Variants in TNMD observed in about 807,000 individuals in gnomAD.
The protein encoded by TNMD is tenomodulin.
In TNMD, 15 loss-of-function variants were observed where a neutral mutation model predicts 26.9. That is an observed-to-expected ratio of 0.56 (90% CI 0.37 to 0.86). The LOEUF is 0.86. Ranked by LOEUF, TNMD falls within the 40% of genes least tolerant of loss-of-function variation. TNMD has a pLI of 0.00. For synonymous variants in TNMD, 73 were observed against 77.0 expected, an observed-to-expected ratio of 0.95 and a Z score of 0.27; for missense variants, 222 against 242.6, an observed-to-expected ratio of 0.92 and a Z score of 0.56.
chrX:100,593,356 A>C, intron 2 of TNMD: 1 of 754,055 alleles, frequency 1.3e-6, no homozygotes, highest in Non-Finnish European at 1.6e-6. Flanking sequence ...GGAAGGCAAT[A>C]AATGTTTCCT....
chrX:100,592,003 C>T (rs945750445), intron 2 of TNMD, among the ~76,000 whole-genome samples: 6 of 111,338 alleles, frequency 5.4e-5, no homozygotes, highest in African/African-American at 2.0e-4. Flanking sequence ...TGTATTTTCT[C>T]TTTCGCCCAG....
intron 4 of TNMD, among the ~76,000 whole-genome samples, chrX:100,596,042 G>C (rs956593071): frequency 4.4e-5 from 5 of 112,766 alleles, no homozygotes; most frequent in South Asian, 7.3e-4. Context: ...AGGCAAAGGA[G>C]GCGGGGCACG....
rs2082947049 is a variant in TNMD, at chrX:100,594,381, T to C, written c.423+19T>C. On this transcript the variant is annotated intron_variant, in intron 4 of 6. Coordinates refer to ENST00000373031, the MANE Select transcript of TNMD (RefSeq NM_022144.3). ...AGATGAGGTATGTAAGAAGAATAAT[T>C]GTGGTGGCAAAAGACATCATTTATT... 2 of 1,038,384 alleles carry C rather than the reference T, an allele frequency of 1.9e-6. No individual in the cohort carries two copies. Among genetic ancestry groups the C allele is most frequent in the South Asian group, 2.1e-5 (1 of 47,084 alleles). The allele number at this position is 1,038,384 out of a possible 1,213,427, so 85.6% of individuals were successfully genotyped here.
chrX:100,585,411 G>T, intron 2 of TNMD, 49 bp downstream of exon 2: 2 of 1,092,880 alleles, frequency 1.8e-6, no homozygotes, highest in Non-Finnish European at 2.5e-6. Flanking sequence ...GAGTTTGATT[G>T]AATTTAATTA....
Position 100,593,883 on chromosome X carries a change from CT to C in TNMD, c.181-11del. The C allele has an allele frequency of 4.1e-6, 5 of 1,207,951 alleles. No homozygotes were observed. Among genetic ancestry groups the C allele is most frequent in the Non-Finnish European group, 5.6e-6 (5 of 893,828 alleles). ...TGAGTATCTTAGAGATTGTTTTCCT[CT>C]GTTCTCCCAGGCCTATGACATGGAG... is the stretch of plus-strand genomic sequence containing the variant. On this transcript the variant is annotated splice_polypyrimidine_tract_variant and intron_variant, in intron 2 of 6. Coordinates refer to ENST00000373031, the MANE Select transcript of TNMD (RefSeq NM_022144.3).
intron 6 of TNMD, 28 bp downstream of exon 6, chrX:100,599,210 T>C: frequency 9.0e-7 from 1 of 1,115,911 alleles, no homozygotes; most frequent in East Asian, 3.1e-5. Context: ...AAACTCTTGA[T>C]AGAGGAGGAA....
intron 2 of TNMD, among the ~76,000 whole-genome samples, chrX:100,587,637 A>G (rs1040707269): frequency 1.8e-5 from 2 of 112,036 alleles, no homozygotes; most frequent in African/African-American, 6.5e-5. Flanking sequence ...CTAAGAAATC[A>G]GCTGGAAATG....
intron 2 of TNMD, among the ~76,000 whole-genome samples, chrX:100,592,598 GT>G (rs1014872135): frequency 4.5e-5 from 5 of 112,292 alleles, no homozygotes; most frequent in Admixed American, 1.9e-4. Flanking sequence ...ATTGTCTCTT[GT>G]TTTTCTCTTC....
At chrX:100,586,442 A>G (rs1203949822) in intron 2 of TNMD, among the ~76,000 whole-genome samples, 1 of 111,537 alleles carries the variant, frequency 9.0e-6, no homozygotes, top group African/African-American at 3.3e-5. Context: ...AGAAAAAAAT[A>G]TGGGTCAGTG....
intron 4 of TNMD, among the ~76,000 whole-genome samples, chrX:100,594,617 T>C (rs1219329247): frequency 9.0e-6 from 1 of 111,455 alleles, no homozygotes; most frequent in Non-Finnish European, 1.9e-5. Flanking sequence ...AAGTGCATAA[T>C]TTTAGGTGCA....
Position 100,599,775 on chromosome X carries a change from T to G in TNMD, c.*58T>G. 1 of 1,074,762 alleles carries G rather than the reference T, an allele frequency of 9.3e-7. No individual in the cohort carries two copies. Among genetic ancestry groups the G allele is most frequent in the Non-Finnish European group, 1.3e-6 (1 of 785,280 alleles). The allele number at this position is 1,074,762 out of a possible 1,213,427, so 88.6% of individuals were successfully genotyped here. A position where few individuals can be genotyped will look rare whatever the true frequency, so the allele number is the denominator to read the frequency against. ...GGCAACATATAATAAATGCATGCTATTCAATGAATTTCTGCCTATGAGGCA... is the reference window on the plus strand; with the variant it reads ...GGCAACATATAATAAATGCATGCTAGTCAATGAATTTCTGCCTATGAGGCA... On this transcript the variant is annotated 3_prime_UTR_variant, in exon 7 of 7. Coordinates refer to ENST00000373031, the MANE Select transcript of TNMD (RefSeq NM_022144.3).
chrX:100,594,064 T>G (rs2082945992), intron 3 of TNMD, 29 bp downstream of exon 3: 2 of 1,183,424 alleles, frequency 1.7e-6, no homozygotes, highest in Admixed American at 4.6e-5. Flanking sequence ...TCCTAAGGCT[T>G]TCCACTTAAA....
At chrX:100,590,810 T>G (rs374705886) in intron 2 of TNMD, among the ~76,000 whole-genome samples, 80 of 111,868 alleles carry the variant, frequency 7.2e-4, no homozygotes, top group African/African-American at 2.4e-3. Context: ...ATATCTCCCA[T>G]TCCTCGTGCC....
At position 100,585,343 on chromosome X, in the gene TNMD, G is replaced by A. The variant is rs1483193855; in HGVS notation, c.161G>A (p.Trp54Ter). ...CTGTTTTGGGGGAGCAAGCACTTCT[G>A]GCCGGAGGTACCCAAAAAAGTAAGT... The part of the protein sequence containing the change: ...IVLFWGSKHF[W>*]PEVPKKAYDM... Residue 54 changes from tryptophan (W) to a stop codon, truncating the protein, a stop_gained, in exon 2 of 7, where the codon TGG (tryptophan) becomes TAG (stop). Coordinates refer to ENST00000373031, the MANE Select transcript of TNMD (RefSeq NM_022144.3). LOFTEE classifies it high-confidence loss of function. 1 of 1,210,109 alleles carries A rather than the reference G, an allele frequency of 8.3e-7. No homozygotes were observed. Among genetic ancestry groups the A allele is most frequent in the Admixed American group, 2.2e-5 (1 of 45,752 alleles).
chrX:100,599,072 GA>G lies in TNMD; in HGVS notation c.642del (p.Ile216LeufsTer12), dbSNP rs754014575. The G allele has an allele frequency of 3.3e-6, 4 of 1,201,643 alleles. No homozygotes were observed. Among genetic ancestry groups the G allele is most frequent in the East Asian group, 3.0e-5 (1 of 33,615 alleles). On this transcript the variant is annotated frameshift_variant, in exon 6 of 7. Coordinates refer to ENST00000373031, the MANE Select transcript of TNMD (RefSeq NM_022144.3). LOFTEE classifies it high-confidence loss of function. ...EGEDLHFPAN[E>X]KKGIEQNEQW... ...AGAAGATCTTCACTTTCCTGCCAAC[GA>G]AAAAAAAGGGATTGAACAAAATGAA...
At chrX:100,587,843 A>G (rs1175178348) in intron 2 of TNMD, among the ~76,000 whole-genome samples, 2 of 111,710 alleles carry the variant, frequency 1.8e-5, no homozygotes, top group Admixed American at 9.5e-5. Context: ...ACATAAATTA[A>G]AGACTCTCCC....
intron 2 of TNMD, among the ~76,000 whole-genome samples, chrX:100,589,831 C>T (rs559568355): frequency 4.3e-4 from 48 of 111,247 alleles, no homozygotes; most frequent in African/African-American, 1.6e-3. Context: ...CAGTGATTTG[C>T]CCAAAATCAC....
intron 2 of TNMD, among the ~76,000 whole-genome samples, chrX:100,586,861 T>C (rs1393641704): frequency 9.0e-6 from 1 of 111,641 alleles, no homozygotes; most frequent in African/African-American, 3.3e-5. Flanking sequence ...CAAAATGCAT[T>C]CCAATACAAT....
intron 2 of TNMD, among the ~76,000 whole-genome samples, chrX:100,589,101 G>T (rs1321871088): frequency 9.0e-6 from 1 of 111,100 alleles, no homozygotes; most frequent in East Asian, 2.8e-4. Flanking sequence ...GAGTCTGATT[G>T]CAACATTTTG....
Sources: allele counts gnomAD v4.1 joint callset (sites outside exome capture counted in the v4.1 genomes callset), GRCh38; gene constraint gnomAD v4.1.1; transcripts MANE v1.5; gene names NCBI Gene and HGNC (gene_info 2026-07-23, HGNC 2026-07-21).